The following HPGD variants were observed in gnomAD, a reference collection of about 807,000 sequenced individuals.
HPGD encodes 15-hydroxyprostaglandin dehydrogenase.
HPGD carries 29 observed loss-of-function variants against 30.0 expected under a neutral mutation model. That is an observed-to-expected ratio of 0.97 (90% CI 0.72 to 1.32). The LOEUF is 1.32. HPGD is among the 40% of genes most tolerant of loss of function. The probability of loss-of-function intolerance (pLI) is 0.00; values close to 1 mark genes in which losing one functional copy is unlikely to be tolerated. For missense variants in HPGD, 340 were observed against 322.1 expected (o/e 1.06, Z -0.43); for synonymous variants, 99 against 112.4 (o/e 0.88, Z 0.75).
In HPGD at chr4:174,502,632, T is replaced by G. The variant is rs557279095; in HGVS notation, c.421+6064A>C. On this transcript the variant is annotated intron_variant, in intron 4 of 6. Coordinates refer to ENST00000296522, the MANE Select transcript of HPGD (RefSeq NM_000860.6). The stretch of plus-strand genomic sequence containing the variant: ...GGCGGAGCTTGCAGTGAGCCGAGAT[T>G]GCGCCACCGCACTCCAGCCTGGGCG... 6.1e-5 allele frequency among the ~76,000 whole-genome samples: 8 copies of G among 130,904 alleles called. No homozygotes were observed. The East Asian group carries it at 9.9e-4, about 16-fold the overall frequency. The allele number at this position is 130,904 out of a possible 152,430, so 85.9% of individuals were successfully genotyped here. A position where few individuals can be genotyped will look rare whatever the true frequency, so the allele number is the denominator to read the frequency against.
At position 174,491,291 on chromosome 4, in the gene HPGD, A is replaced by G. The variant is rs1239012799; in HGVS notation, c.*665T>C. The G allele has an allele frequency of 6.5e-6, 1 of 152,714 alleles. No homozygotes were observed. The highest frequency in any genetic ancestry group is 1.5e-5 in the Non-Finnish European group (1 of 67,982). The allele number at this position is 152,714 out of a possible 1,614,324, so 9.5% of individuals were successfully genotyped here. On this transcript the variant is annotated 3_prime_UTR_variant, in exon 7 of 7. Coordinates refer to ENST00000296522, the MANE Select transcript of HPGD (RefSeq NM_000860.6). ...GGAGTCGGTAAAAGTTCTTAAAGTG[A>G]GCAGAGGAAAGAAATGTCTTTCCCA...
chr4:174,518,147 C>A, intron 2 of HPGD, 70 bp from the exon 3 acceptor site: 1 of 773,472 alleles, frequency 1.3e-6, no homozygotes, highest in Non-Finnish European at 2.2e-6. Flanking sequence ...ATGTCCTATG[C>A]CATGAGAGGA....
intron 3 of HPGD, among the ~76,000 whole-genome samples, chr4:174,509,580 C>T (rs576496009): frequency 2.6e-5 from 4 of 152,036 alleles, no homozygotes; most frequent in South Asian, 4.1e-4. Flanking sequence ...ATATGAATGT[C>T]GTAACTTAAA....
At chr4:174,513,329 T>C (rs766697245) in intron 3 of HPGD, among the ~76,000 whole-genome samples, 4 of 152,156 alleles carry the variant, frequency 2.6e-5, no homozygotes, top group Non-Finnish European at 5.9e-5. Flanking sequence ...GTCTATATTC[T>C]TAAAAATCCT....
chr4:174,504,223 A>G (rs1200482984), intron 4 of HPGD, among the ~76,000 whole-genome samples: 1 of 152,206 alleles, frequency 6.6e-6, no homozygotes, highest in Non-Finnish European at 1.5e-5. Context: ...CTTCTACCTT[A>G]ACACAAATTA....
In HPGD at chr4:174,508,779, C is replaced by T; in HGVS notation, c.338G>A (p.Ser113Asn). 6.3e-7 allele frequency: 1 copy of T among 1,589,320 alleles called. No individual in the cohort carries two copies. The highest frequency in any genetic ancestry group is 2.2e-5 in the East Asian group (1 of 44,650). ...GTAATCCAAACCAAGATAGGTTCCA[C>T]TGATAACAGAAACCTAATCCAGAGG... ...TLQINLVSVI[S>N]GTYLGLDYMS... The change falls in exon 4 of 7, where the codon AGT becomes AAT. Residue 113 changes from serine (S) to asparagine (N), a missense_variant. Coordinates refer to ENST00000296522, the MANE Select transcript of HPGD (RefSeq NM_000860.6).
chr4:174,504,284 C>T (rs2110815183), intron 4 of HPGD, among the ~76,000 whole-genome samples: 1 of 152,168 alleles, frequency 6.6e-6, no homozygotes, highest in Admixed American at 6.5e-5. Context: ...GCAGATATGC[C>T]ACTGGGTTGT....
chr4:174,519,847 C>A (rs531327346), intron 2 of HPGD, among the ~76,000 whole-genome samples: 1 of 152,170 alleles, frequency 6.6e-6, no homozygotes, highest in Non-Finnish European at 1.5e-5. Flanking sequence ...TCACACAAAG[C>A]CTGTTTGGTG....
chr4:174,522,183 T>G, intron 1 of HPGD, 116 bp from the exon 2 acceptor site: 1 of 1,522,406 alleles, frequency 6.6e-7, no homozygotes, highest in Non-Finnish European at 9.1e-7. Context: ...TAGGTTTGGG[T>G]TCCCTCCCAG....
At chr4:174,507,951 T>C in intron 4 of HPGD, 1 of 549,000 alleles carries the variant, frequency 1.8e-6, no homozygotes, top group Non-Finnish European at 3.3e-6. Flanking sequence ...ACAGACTCGC[T>C]TACAGTTAGG....
intron 3 of HPGD, among the ~76,000 whole-genome samples, chr4:174,517,104 C>A (rs1157173845): frequency 6.6e-6 from 1 of 152,088 alleles, no homozygotes. Context: ...CAGGCACAGC[C>A]TATTTGACAT....
chr4:174,522,713 C>T (rs1736229969), upstream of HPGD: 1 of 424,240 alleles, frequency 2.4e-6, no homozygotes, highest in Non-Finnish European at 4.1e-6. Flanking sequence ...CAGCCTCTGG[C>T]TCCGTGATTG....
At chr4:174,508,862 T>C in intron 3 of HPGD, 70 bp from the exon 4 acceptor site, 3 of 831,532 alleles carry the variant, frequency 3.6e-6, no homozygotes, top group African/African-American at 1.7e-5. Context: ...CACACCAAAG[T>C]TTTTATAGCT....
rs1213038854 is a variant in HPGD at position 174,496,313 on chromosome 4, T to C, written c.422-689A>G. ...ATTCAATCAATTACAGAATGTTTTA[T>C]TTTGTAATTTTCCACATATGCACAA... On this transcript the variant is annotated intron_variant, in intron 4 of 6. Transcript: ENST00000296522. The surrounding 1 kb of genome is among the most constrained non-coding windows in gnomAD (Gnocchi z 4.6). 1.3e-5 allele frequency among the ~76,000 whole-genome samples: 2 copies of C among 152,244 alleles called. No individual in the cohort carries two copies. The highest frequency in any genetic ancestry group is 2.1e-4 in the South Asian group (1 of 4,836).
intron 4 of HPGD, among the ~76,000 whole-genome samples, chr4:174,506,055 G>A (rs1168389499): frequency 2.0e-5 from 3 of 152,202 alleles, no homozygotes; most frequent in Non-Finnish European, 4.4e-5. Flanking sequence ...GATTGCAAAT[G>A]TTGTATCTGA....
In HPGD at chr4:174,492,713, G is replaced by A. The variant is rs1734397889; in HGVS notation, c.662+438C>T. ...CTTCAACATGATAACTATGATTCAT[G>A]AAATCCTCAGTTGCTTGAATTCAGA... is the stretch of plus-strand genomic sequence containing the variant. On this transcript the variant is annotated intron_variant, in intron 6 of 6. Transcript: ENST00000296522. This position sits in a 1 kb window ranked among gnomAD's most constrained non-coding sequence, Gnocchi z 4.9. Among the ~76,000 whole-genome samples, 2 of 152,130 alleles carry A rather than the reference G, an allele frequency of 1.3e-5. No homozygotes were observed. Among genetic ancestry groups the A allele is most frequent in the Middle Eastern group, 3.4e-3 (1 of 294 alleles).
intron 3 of HPGD, among the ~76,000 whole-genome samples, chr4:174,512,124 A>G (rs1735537963): frequency 6.6e-6 from 1 of 152,210 alleles, no homozygotes; most frequent in South Asian, 2.1e-4. Flanking sequence ...AAGGAGTAAA[A>G]GTAGAAGGAC....
rs45514400 is a variant in HPGD, at chr4:174,502,414, G to C, written c.421+6282C>G. 4.8e-3 allele frequency among the ~76,000 whole-genome samples: 735 copies of C among 151,958 alleles called. 6 individuals carry two copies. Among genetic ancestry groups the C allele is most frequent in the African/African-American group, 0.016 (674 of 41,460 alleles). ...ACACATGCGGCCGGGCGCGGTGGCT[G>C]ACGCCTGTAATCCCAGCACTTTGGG... is the stretch of plus-strand genomic sequence containing the variant. On this transcript the variant is annotated intron_variant, in intron 4 of 6. Transcript: ENST00000296522.
In HPGD at chr4:174,493,289, C is replaced by G; in HGVS notation, c.524G>C (p.Gly175Ala). 1.2e-6 allele frequency: 2 copies of G among 1,613,238 alleles called. No individual in the cohort carries two copies. The highest frequency in any genetic ancestry group is 1.7e-6 in the Non-Finnish European group (2 of 1,179,364). ...TGGACAAATGGCATTCAGTCTCACA[C>G]CACTGTTCATAAGATTAGCAGCCAA... ...AALAANLMNSGVRLNAICPGF... is the reference protein window; with the variant it reads ...AALAANLMNSAVRLNAICPGF... The change falls in exon 6 of 7, where the codon GGT becomes GCT. Residue 175 changes from glycine to alanine, a missense_variant. By Grantham distance (60) the Gly-to-Ala change is moderately conservative. Coordinates refer to ENST00000296522, the MANE Select transcript of HPGD (RefSeq NM_000860.6).
Sources: allele counts gnomAD v4.1 joint callset (sites outside exome capture counted in the v4.1 genomes callset), GRCh38; gene constraint gnomAD v4.1.1; non-coding constraint Gnocchi (gnomAD v3.1); transcripts MANE v1.5; gene names NCBI Gene and HGNC (gene_info 2026-07-23, HGNC 2026-07-21).